The following DNAI3 variants were observed in gnomAD, a reference collection of about 807,000 sequenced individuals.
The protein encoded by DNAI3 is dynein axonemal intermediate chain 3.
DNAI3 carries 83 observed loss-of-function variants against 115.5 expected under a neutral mutation model. The observed-to-expected ratio is 0.72, with a 90% CI of 0.60 to 0.86. DNAI3 has a LOEUF of 0.86. Ranked by LOEUF, DNAI3 falls within the 40% of genes least tolerant of loss-of-function variation. The probability of loss-of-function intolerance (pLI) is 0.00; values close to 1 mark genes in which losing one functional copy is unlikely to be tolerated. For synonymous variants in DNAI3, 320 were observed against 347.0 expected (o/e 0.92, Z 0.86); for missense variants, 1,004 against 1,075.8 (o/e 0.93, Z 0.93).
rs758367209 is a variant in DNAI3, at chr1:85,121,768, C to T, written c.1935C>T (p.Tyr645=). The T allele has an allele frequency of 2.5e-6, 4 of 1,614,022 alleles. No individual in the cohort carries two copies. In the African/African-American group the frequency reaches 4.0e-5, roughly 16 times the overall value. The change falls in exon 18 of 23, where the codon TAC becomes TAT. Residue 645 remains tyrosine (Y), a synonymous_variant. Coordinates refer to ENST00000294664, the MANE Select transcript of DNAI3 (RefSeq NM_145172.5). ...FVGTEEGEVI[Y]TDWKMEKDPE... The stretch of plus-strand genomic sequence containing the variant: ...ATTTTTAGGAAGGCGAAGTGATATA[C>T]ACAGATTGGAAAATGGAAAAAGACC...
chr1:85,096,116 C>A (rs971646297), intron 11 of DNAI3, 96 bp downstream of exon 11: 1 of 1,150,862 alleles, frequency 8.7e-7, no homozygotes, highest in South Asian at 1.3e-5. Flanking sequence ...GGATTCAATT[C>A]AGCAGAAGGA....
intron 14 of DNAI3, among the ~76,000 whole-genome samples, chr1:85,107,679 G>A (rs975714801): frequency 1.3e-5 from 2 of 152,140 alleles, no homozygotes; most frequent in Non-Finnish European, 2.9e-5. Flanking sequence ...TGATTGTGGT[G>A]ATGGCTTCCC....
intron 19 of DNAI3, among the ~76,000 whole-genome samples, chr1:85,125,154 T>A (rs1656095006): frequency 6.6e-6 from 1 of 152,104 alleles, no homozygotes; most frequent in Admixed American, 6.5e-5. Flanking sequence ...GAATCAGTAC[T>A]TTTGGTGGGA....
chr1:85,126,690 C>T lies in DNAI3; in HGVS notation c.2292C>T (p.Thr764=). The T allele has an allele frequency of 6.2e-7, 1 of 1,614,114 alleles. No homozygotes were observed. Among genetic ancestry groups the T allele is most frequent in the South Asian group, 1.1e-5 (1 of 91,084 alleles). ...AAAACATTTGCATAACTATGATCAC[C>T]TACATCAAACCCTGGATCTTTTCTT... is the stretch of plus-strand genomic sequence containing the variant. ...QSQNICITMI[T]YIKPWIFSSK... is the part of the protein sequence containing the mutation. Residue 764 remains threonine, a synonymous_variant, in exon 20 of 23, where the codon ACC becomes ACT. Transcript: ENST00000294664.
intron 22 of DNAI3, among the ~76,000 whole-genome samples, chr1:85,130,720 A>G (rs532469936): frequency 1.5e-4 from 21 of 142,786 alleles, no homozygotes; most frequent in South Asian, 4.4e-4. Flanking sequence ...TAGATAGATA[A>G]ATAGATATGA....
intron 13 of DNAI3, among the ~76,000 whole-genome samples, chr1:85,102,972 TAGAG>T (rs1244253452): frequency 6.6e-6 from 1 of 152,040 alleles, no homozygotes; most frequent in Non-Finnish European, 1.5e-5. Flanking sequence ...AAAGCCTCAG[TAGAG>T]AGAGAGGTAA....
intron 18 of DNAI3, among the ~76,000 whole-genome samples, chr1:85,123,783 C>A (rs1290087126): frequency 6.6e-6 from 1 of 152,232 alleles, no homozygotes; most frequent in East Asian, 1.9e-4. Context: ...TATTTACTAA[C>A]CATTGTCTAC....
At position 85,089,951 on chromosome 1, in the gene DNAI3, G is replaced by A. The variant is rs1654922917; in HGVS notation, c.741-165G>A. On this transcript the variant is annotated intron_variant, in intron 7 of 22. Coordinates refer to ENST00000294664, the MANE Select transcript of DNAI3 (RefSeq NM_145172.5). ...AAATTCATGTAGCCTTTGAATAGTGGTCAATATCAGTTGTCTAGGATAAAG... is the reference window on the plus strand; with the variant it reads ...AAATTCATGTAGCCTTTGAATAGTGATCAATATCAGTTGTCTAGGATAAAG... Among the ~76,000 whole-genome samples, 3 of 151,922 alleles carry A rather than the reference G, an allele frequency of 2.0e-5. No homozygotes were observed. The South Asian group carries it at 6.2e-4, about 32-fold the overall frequency.
chr1:85,075,702 A>G (rs1654430824), intron 3 of DNAI3, among the ~76,000 whole-genome samples: 1 of 152,206 alleles, frequency 6.6e-6, no homozygotes, highest in Non-Finnish European at 1.5e-5. Context: ...CAATGCCCAG[A>G]GGTTTCTGGA....
At chr1:85,108,329 C>G in intron 15 of DNAI3, 152 bp downstream of exon 15, 2 of 794,762 alleles carry the variant, frequency 2.5e-6, no homozygotes, top group Non-Finnish European at 3.6e-6. Flanking sequence ...CCAATAAATT[C>G]CTTGATTGGG....
chr1:85,112,056 C>CTT (rs66928964), intron 16 of DNAI3, among the ~76,000 whole-genome samples: 30 of 148,626 alleles, frequency 2.0e-4, no homozygotes, highest in African/African-American at 7.4e-4. Context: ...AGTATATACT[C>CTT]TTTTTTTTTT....
intron 16 of DNAI3, among the ~76,000 whole-genome samples, chr1:85,112,792 CAG>C (rs1274321666): frequency 4.6e-5 from 7 of 152,166 alleles, no homozygotes; most frequent in African/African-American, 1.7e-4. Flanking sequence ...ATTTTTGAGA[CAG>C]AGTCTCGCTC....
intron 5 of DNAI3, among the ~76,000 whole-genome samples, chr1:85,083,422 G>A (rs1654689020): frequency 6.6e-6 from 1 of 152,140 alleles, no homozygotes; most frequent in South Asian, 2.1e-4. Flanking sequence ...GAAAGGTGGA[G>A]GTTGCAGTGA....
At chr1:85,090,621 CA>C (rs1654943303) in intron 8 of DNAI3, among the ~76,000 whole-genome samples, 1 of 152,106 alleles carries the variant, frequency 6.6e-6, no homozygotes, top group African/African-American at 2.4e-5. Flanking sequence ...TAAGTATTTG[CA>C]AAAATATCTT....
chr1:85,131,621 C>A (rs184833824), intron 22 of DNAI3, among the ~76,000 whole-genome samples: 9 of 152,238 alleles, frequency 5.9e-5, no homozygotes, highest in African/African-American at 2.2e-4. Context: ...ATTAATTAAA[C>A]TTTCATTGCA....
chr1:85,102,975 A>G (rs371244845), intron 13 of DNAI3, among the ~76,000 whole-genome samples: 15 of 152,126 alleles, frequency 9.9e-5, no homozygotes, highest in African/African-American at 3.4e-4. Flanking sequence ...GCCTCAGTAG[A>G]GAGAGAGGTA....
chr1:85,101,611 C>T (rs950897631), intron 13 of DNAI3, among the ~76,000 whole-genome samples: 1 of 150,694 alleles, frequency 6.6e-6, no homozygotes, highest in East Asian at 2.0e-4. Context: ...GCCTGTAGTC[C>T]CAGCTACTCC....
At chr1:85,082,894 C>T (rs956792366) in intron 5 of DNAI3, among the ~76,000 whole-genome samples, 3 of 152,160 alleles carry the variant, frequency 2.0e-5, no homozygotes, top group Non-Finnish European at 2.9e-5. Context: ...TACCGCTTTC[C>T]TTGTTCTCTT....
chr1:85,083,346 G>C (rs11161522), intron 5 of DNAI3, among the ~76,000 whole-genome samples: 90,494 of 151,846 alleles, frequency 0.6, 26,969 homozygotes, highest in Non-Finnish European at 0.6. Flanking sequence ...TATTAGCCAG[G>C]CATGGTAGCA....
Sources: gnomAD v4.1 joint callset for allele counts (sites outside exome capture counted in the v4.1 genomes callset) on GRCh38, gnomAD v4.1.1 for gene constraint, MANE v1.5 for transcripts, NCBI Gene and HGNC (gene_info 2026-07-23, HGNC 2026-07-21) for gene names.